Variants in DCDC1 observed in about 807,000 individuals in gnomAD.
The protein encoded by DCDC1 is doublecortin domain containing 1.
In DCDC1, 200 loss-of-function variants were observed where a neutral mutation model predicts 178.3. The observed-to-expected ratio is 1.12, with a 90% CI of 1.00 to 1.26. The LOEUF is 1.26. Among genes scored for constraint, DCDC1 ranks in the 50% most tolerant of loss-of-function variants. DCDC1 has a pLI of 0.00. For missense variants in DCDC1, 1,983 were observed against 1,749.2 expected (o/e 1.13, Z -2.38); for synonymous variants, 690 against 604.8 (o/e 1.14, Z -2.07).
chr11:30,881,440 G>T, intron 36 of DCDC1, 132 bp from the exon 37 acceptor site: 1 of 1,161,416 alleles, frequency 8.6e-7, no homozygotes, highest in Non-Finnish European at 1.2e-6. Context: ...TTAGACATTC[G>T]TATAGAAGAG....
intron 8 of DCDC1, among the ~76,000 whole-genome samples, chr11:31,246,172 T>C (rs1943552189): frequency 6.6e-6 from 1 of 152,022 alleles, no homozygotes; most frequent in Non-Finnish European, 1.5e-5. Flanking sequence ...GCACAGGGAA[T>C]AATCAAAGGC....
At chr11:31,226,655 T>C (rs1196794206) in intron 9 of DCDC1, among the ~76,000 whole-genome samples, 1 of 150,760 alleles carries the variant, frequency 6.6e-6, no homozygotes, top group Non-Finnish European at 1.5e-5. Flanking sequence ...TACTGACTTA[T>C]TCCAAACTCA....
intron 38 of DCDC1, among the ~76,000 whole-genome samples, chr11:30,875,915 T>C (rs910900458): frequency 1.3e-5 from 2 of 152,206 alleles, no homozygotes; most frequent in Admixed American, 6.5e-5. Context: ...ATACTGTTAG[T>C]TATTCTCAGA....
At chr11:31,044,594 CTGAG>C (rs1332478721) in intron 20 of DCDC1, among the ~76,000 whole-genome samples, 3 of 151,874 alleles carry the variant, frequency 2.0e-5, no homozygotes, top group Admixed American at 2.0e-4. Context: ...GAGAGTGGCC[CTGAG>C]TGACAGCCAG....
chr11:30,944,960 T>TTC (rs1947913457), intron 21 of DCDC1, among the ~76,000 whole-genome samples: 1 of 29,870 alleles, frequency 3.3e-5, no homozygotes, highest in Non-Finnish European at 8.3e-5. Context: ...CAAAAATGTC[T>TTC]TTTTTTTTTT....
In DCDC1 at chr11:31,055,875, C is replaced by G. The variant is rs552690785; in HGVS notation, c.2591+8594G>C. ...GGAAGGATGGGAGTGGGGTGAGGGA[C>G]AAAATACTACAAATATGGTGCAGTG... On this transcript the variant is annotated intron_variant, in intron 20 of 38. Transcript: ENST00000684477. Among the ~76,000 whole-genome samples the G allele has an allele frequency of 8.0e-4, 121 of 151,978 alleles. 1 individual carries two copies. Among genetic ancestry groups the G allele is most frequent in the Non-Finnish European group, 1.5e-3 (100 of 67,972 alleles).
chr11:31,341,818 CA>C (rs1950563706), intron 1 of DCDC1, among the ~76,000 whole-genome samples: 1 of 151,184 alleles, frequency 6.6e-6, no homozygotes, highest in Non-Finnish European at 1.5e-5. Flanking sequence ...ACTATACACA[CA>C]CACACACACA....
chr11:30,909,297 A>G (rs1478784684), intron 28 of DCDC1, among the ~76,000 whole-genome samples, 181 bp from the exon 29 acceptor site: 5 of 152,190 alleles, frequency 3.3e-5, no homozygotes, highest in African/African-American at 9.6e-5. Flanking sequence ...TTATAAATAC[A>G]CATTATTTGA....
intron 11 of DCDC1, among the ~76,000 whole-genome samples, chr11:31,117,874 T>G (rs186232713): frequency 6.6e-6 from 1 of 152,126 alleles, no homozygotes; most frequent in Non-Finnish European, 1.5e-5. Flanking sequence ...TCAAGAAGAA[T>G]TGCAACAAGG....
At chr11:30,946,424 C>A (rs169727) in intron 21 of DCDC1, among the ~76,000 whole-genome samples, 3,307 of 152,270 alleles carry the variant, frequency 0.022, 128 homozygotes, top group African/African-American at 0.076. Flanking sequence ...ATTCATCCAG[C>A]CACTGGCTTA....
rs147959520 is a variant in DCDC1, at chr11:31,188,763, T to G, written c.1222-50979A>C. Reference sequence around the variant, plus strand: ...TGATAAATTTTTCACCATCCAAGGCTAAATGAGAAAGAATTTTCACCATTC... The same window carrying G: ...TGATAAATTTTTCACCATCCAAGGCGAAATGAGAAAGAATTTTCACCATTC... On this transcript the variant is annotated intron_variant, in intron 9 of 38. Coordinates refer to ENST00000684477, the MANE Select transcript of DCDC1 (RefSeq NM_001387274.1). Among the ~76,000 whole-genome samples, 55 of 152,314 alleles carry G rather than the reference T, an allele frequency of 3.6e-4. 1 individual carries two copies. Among genetic ancestry groups the G allele is most frequent in the African/African-American group, 1.2e-3 (51 of 41,566 alleles).
chr11:31,315,719 T>C (rs1319128578), intron 3 of DCDC1, among the ~76,000 whole-genome samples: 1 of 121,060 alleles, frequency 8.3e-6, no homozygotes, highest in Non-Finnish European at 1.7e-5. Context: ...GTTAGTTACA[T>C]ATGTATACAT....
At chr11:31,017,478 C>G (rs372331621) in intron 20 of DCDC1, among the ~76,000 whole-genome samples, 3 of 151,928 alleles carry the variant, frequency 2.0e-5, no homozygotes, top group East Asian at 3.9e-4. Flanking sequence ...GTTAATCAAC[C>G]CTGTCTCAAA....
chr11:31,344,937 A>G (rs1950737936), intron 1 of DCDC1, among the ~76,000 whole-genome samples: 1 of 152,150 alleles, frequency 6.6e-6, no homozygotes, highest in South Asian at 2.1e-4. Context: ...CCAAGGAACA[A>G]CTCCACAATT....
chr11:31,283,644 C>T (rs1190340380), intron 7 of DCDC1, among the ~76,000 whole-genome samples: 1 of 152,052 alleles, frequency 6.6e-6, no homozygotes, highest in Non-Finnish European at 1.5e-5. Context: ...CTCTCCTCTC[C>T]AACTGGTCAA....
chr11:31,362,802 G>A (rs1951778559), intron 1 of DCDC1, among the ~76,000 whole-genome samples: 1 of 152,118 alleles, frequency 6.6e-6, no homozygotes, highest in African/African-American at 2.4e-5. Flanking sequence ...TTTTTAAGAT[G>A]TGTGGTTTCA....
chr11:30,926,060 G>A (rs1022304936), intron 22 of DCDC1, among the ~76,000 whole-genome samples: 6 of 152,138 alleles, frequency 3.9e-5, no homozygotes, highest in African/African-American at 1.4e-4. Context: ...GAGGAGCTCC[G>A]AGTCTGGTCA....
intron 20 of DCDC1, among the ~76,000 whole-genome samples, chr11:31,042,859 G>C (rs1447297038): frequency 1.3e-5 from 2 of 152,100 alleles, no homozygotes; most frequent in African/African-American, 4.8e-5. Context: ...TAGTGTTGGT[G>C]CACATGACCT....
intron 15 of DCDC1, among the ~76,000 whole-genome samples, chr11:31,098,503 A>G (rs1958296648): frequency 6.6e-6 from 1 of 152,220 alleles, no homozygotes; most frequent in Non-Finnish European, 1.5e-5. Flanking sequence ...CTACTTGTCA[A>G]TAGGAAATTT....
Sources: gnomAD v4.1 joint callset for allele counts (sites outside exome capture counted in the v4.1 genomes callset) on GRCh38, gnomAD v4.1.1 for gene constraint, MANE v1.5 for transcripts, NCBI Gene and HGNC (gene_info 2026-07-23, HGNC 2026-07-21) for gene names.